Variants in USP35 observed in about 807,000 individuals in gnomAD.
The protein encoded by USP35 is ubiquitin specific peptidase 35.
USP35 carries 69 observed loss-of-function variants against 83.8 expected under a neutral mutation model. The ratio of observed to expected loss-of-function variants is 0.82; its 90% CI spans 0.68 to 1.01. USP35 has a LOEUF of 1.01. Among genes scored for constraint, USP35 ranks in the 50% least tolerant of loss-of-function variants. USP35 has a pLI of 0.00. For missense variants in USP35, 1,503 were observed against 1,362.5 expected, an observed-to-expected ratio of 1.10 and a Z score of -1.62; for synonymous variants, 714 against 589.5, an observed-to-expected ratio of 1.21 and a Z score of -3.06.
intron 1 of USP35, among the ~76,000 whole-genome samples, chr11:78,191,193 G>A (rs1374816440): frequency 6.6e-6 from 1 of 152,182 alleles, no homozygotes; most frequent in African/African-American, 2.4e-5. Context: ...GGTGCTTTGG[G>A]GTGATGGAGA....
chr11:78,226,494 G>A, the USP35 span: 1 of 1,613,966 alleles, frequency 6.2e-7, no homozygotes, highest in African/African-American at 1.3e-5. Flanking sequence ...GTCCATTGCA[G>A]GGAGGGTGTT....
intron 6 of USP35, among the ~76,000 whole-genome samples, chr11:78,204,589 G>A (rs1306693401): frequency 1.3e-5 from 2 of 152,154 alleles, no homozygotes; most frequent in African/African-American, 4.8e-5. Context: ...TCTTCTCTGC[G>A]TGTGCACGGA....
rs1158041495 is a variant in USP35 at position 78,207,072 on chromosome 11, C to G, written c.1392-458C>G. On this transcript the variant is annotated intron_variant, in intron 7 of 10. Transcript: ENST00000529308. Reference sequence around the variant, plus strand: ...GGGGCTGTAGGAGTCGATTGGAGGGCCCAGGTCAGAGCAGAGTCTGCTGCT... The same window carrying G: ...GGGGCTGTAGGAGTCGATTGGAGGGGCCAGGTCAGAGCAGAGTCTGCTGCT... Among the ~76,000 whole-genome samples the G allele has an allele frequency of 2.0e-5, 3 of 152,170 alleles. No homozygotes were observed. In the East Asian group the frequency reaches 5.8e-4, roughly 29 times the overall value.
chr11:78,213,916 A>G lies in USP35; in HGVS notation c.*103A>G. The G allele has an allele frequency of 7.5e-7, 1 of 1,334,344 alleles. No homozygotes were observed. The highest frequency in any genetic ancestry group is 1.5e-5 in the South Asian group (1 of 65,048). 82.7% of individuals were successfully genotyped at this position (1,334,344 alleles called of 1,614,324 possible). On this transcript the variant is annotated 3_prime_UTR_variant, in exon 11 of 11. Coordinates refer to ENST00000529308, the MANE Select transcript of USP35 (RefSeq NM_020798.4). The stretch of plus-strand genomic sequence containing the variant: ...ACCAAGAGGAAGGATGGTACAGCTC[A>G]TGGCACCTTAGTCCTCAGCCTGATG...
At chr11:78,199,327 C>T (rs554536397) in intron 3 of USP35, 32 of 422,910 alleles carry the variant, frequency 7.6e-5, no homozygotes, top group Non-Finnish European at 1.4e-4. Flanking sequence ...TCTGGCATTG[C>T]AGCCCAGTGT....
chr11:78,234,830 T>G, the USP35 span, among the ~76,000 whole-genome samples: 3 of 151,976 alleles, frequency 2.0e-5, no homozygotes, highest in African/African-American at 7.2e-5. Context: ...GCCAACATGG[T>G]GAAACCCCAC....
In USP35 at chr11:78,210,491, G is replaced by C. The variant is rs1167845950; in HGVS notation, c.2636G>C (p.Gly879Ala). The C allele has an allele frequency of 1.9e-6, 3 of 1,614,196 alleles. No homozygotes were observed. Among genetic ancestry groups the C allele is most frequent in the Non-Finnish European group, 1.7e-6 (2 of 1,179,996 alleles). Residue 879 changes from glycine to alanine, a missense_variant, in exon 10 of 11, where the codon GGA becomes GCA. Gly to Ala is a moderately conservative substitution (Grantham distance 60). Coordinates refer to ENST00000529308, the MANE Select transcript of USP35 (RefSeq NM_020798.4). Reference protein sequence around the residue: ...EGAARPAASLGTADRPEPENQ... With the variant: ...EGAARPAASLATADRPEPENQ... Reference sequence around the variant, plus strand: ...GCTGCCCGCCCTGCCGCTTCTCTGGGAACTGCCGATAGGCCAGAGCCCGAG... The same window carrying C: ...GCTGCCCGCCCTGCCGCTTCTCTGGCAACTGCCGATAGGCCAGAGCCCGAG...
chr11:78,209,683 C>T lies in USP35; in HGVS notation c.1828C>T (p.Arg610Cys), dbSNP rs749222931. The stretch of plus-strand genomic sequence containing the variant: ...TCCTCCTGAGCGCTGTCGCCGCCGC[C>T]GCCTGGGCTCTGTGATGCGCCCCAC... ...FPPPERCRRR[R>C]LGSVMRPTED... The change falls in exon 10 of 11, where the codon CGC becomes TGC. Residue 610 changes from arginine (R) to cysteine (C), a missense_variant. Coordinates refer to ENST00000529308, the MANE Select transcript of USP35 (RefSeq NM_020798.4). 50 of 1,613,852 alleles carry T rather than the reference C, an allele frequency of 3.1e-5. 1 individual carries two copies. In the South Asian group the frequency reaches 3.5e-4, roughly 11 times the overall value.
At chr11:78,235,099 C>T in the USP35 span, among the ~76,000 whole-genome samples, 1 of 152,140 alleles carries the variant, frequency 6.6e-6, no homozygotes, top group Non-Finnish European at 1.5e-5. Context: ...ACATTAGGCT[C>T]CTTGCTACTT....
chr11:78,190,617 G>T (rs1316489132), intron 1 of USP35, among the ~76,000 whole-genome samples: 1 of 152,226 alleles, frequency 6.6e-6, no homozygotes, highest in East Asian at 1.9e-4. Context: ...TCCCAGCCTG[G>T]TGGGAGACAG....
chr11:78,220,398 G>A, the USP35 span: 3 of 1,604,764 alleles, frequency 1.9e-6, no homozygotes, highest in African/African-American at 4.0e-5. Flanking sequence ...CTTAGGGGCA[G>A]GACTGTTCGT....
Position 78,209,926 on chromosome 11 carries a change from G to A in USP35, c.2071G>A (p.Glu691Lys). The A allele has an allele frequency of 6.2e-7, 1 of 1,603,778 alleles. No homozygotes were observed. ...EEGKEERTEK[E>K]EVGEEEESTR... is the part of the protein sequence containing the mutation. ...AGGGAAGGAGGAGAGAACGGAGAAG[G>A]AAGAAGTGGGGGAGGAGGAGGAAAG... Residue 691 changes from glutamate (E) to lysine (K), a missense_variant, in exon 10 of 11, where the codon GAA becomes AAA. Glu to Lys is a moderately conservative substitution (Grantham distance 56). Coordinates refer to ENST00000529308, the MANE Select transcript of USP35 (RefSeq NM_020798.4).
At position 78,210,059 on chromosome 11, in the gene USP35, G is replaced by T. The variant is rs937426843; in HGVS notation, c.2204G>T (p.Ser735Ile). 1.2e-6 allele frequency: 2 copies of T among 1,613,900 alleles called. No homozygotes were observed. The highest frequency in any genetic ancestry group is 1.1e-5 in the South Asian group (1 of 91,078). Residue 735 changes from serine (S) to isoleucine (I), a missense_variant, in exon 10 of 11, where the codon AGC becomes ATC. Physicochemically the swap from Ser to Ile is moderately radical, Grantham distance 142. Coordinates refer to ENST00000529308, the MANE Select transcript of USP35 (RefSeq NM_020798.4). Reference sequence around the variant, plus strand: ...GCTGAGCAGGAAAAGGAAGAAGACAGCCTGGGAGCGGGGACCCACCCGGAT... The same window carrying T: ...GCTGAGCAGGAAAAGGAAGAAGACATCCTGGGAGCGGGGACCCACCCGGAT... ...KEAEQEKEED[S>I]LGAGTHPDAA...
chr11:78,212,287 C>T (rs1009799924), intron 10 of USP35, among the ~76,000 whole-genome samples: 3 of 152,076 alleles, frequency 2.0e-5, no homozygotes, highest in African/African-American at 7.2e-5. Flanking sequence ...TATTCTGTTC[C>T]ATTGGTCTAT....
At chr11:78,206,145 T>C (rs929273385) in intron 7 of USP35, 110 bp downstream of exon 7, 2 of 1,334,914 alleles carry the variant, frequency 1.5e-6, no homozygotes, top group Non-Finnish European at 2.1e-6. Flanking sequence ...GGGCCTTGCT[T>C]TGCATTGCCA....
chr11:78,215,437 AAT>A (rs1491582440), downstream of USP35: 3 of 152,646 alleles, frequency 2.0e-5, no homozygotes, highest in African/African-American at 2.4e-5. Context: ...CCACCGGATA[AAT>A]ATGTTACAAT....
At chr11:78,199,338 G>A in intron 3 of USP35, 2 of 471,612 alleles carry the variant, frequency 4.2e-6, no homozygotes, top group South Asian at 4.8e-5. Flanking sequence ...AGCCCAGTGT[G>A]GAGGGGCGAG....
Position 78,209,939 on chromosome 11 carries a change from A to G in USP35, c.2084A>G (p.Glu695Gly), listed in dbSNP as rs568395790. The change falls in exon 10 of 11, where the codon GAG becomes GGG. Residue 695 changes from glutamate to glycine, a missense_variant. Glu to Gly is a moderately conservative substitution (Grantham distance 98). Coordinates refer to ENST00000529308, the MANE Select transcript of USP35 (RefSeq NM_020798.4). ...AGAACGGAGAAGGAAGAAGTGGGGG[A>G]GGAGGAGGAAAGCACCAGAGGGGAA... ...EERTEKEEVG[E>G]EEESTRGEGE... 5.0e-6 allele frequency: 8 copies of G among 1,605,734 alleles called. No individual in the cohort carries two copies. The East Asian group carries it at 1.6e-4, about 32-fold the overall frequency.
At chr11:78,224,612 G>C in the USP35 span, among the ~76,000 whole-genome samples, 1 of 152,222 alleles carries the variant, frequency 6.6e-6, no homozygotes, top group East Asian at 1.9e-4. Flanking sequence ...CTTTTCAGTG[G>C]GCCTGAAGCC....
Sources: allele counts gnomAD v4.1 joint callset (sites outside exome capture counted in the v4.1 genomes callset), GRCh38; gene constraint gnomAD v4.1.1; transcripts MANE v1.5; gene names NCBI Gene and HGNC (gene_info 2026-07-23, HGNC 2026-07-21).